Variants in MYPN observed in about 807,000 individuals in gnomAD.
The protein encoded by MYPN is myopalladin.
Under a neutral mutation model 129.4 loss-of-function variants are expected in MYPN, and 63 were observed. The ratio of observed to expected loss-of-function variants is 0.49; its 90% CI spans 0.40 to 0.60. MYPN has a LOEUF of 0.60. Among genes scored for constraint, MYPN ranks in the 20% least tolerant of loss-of-function variants. MYPN has a pLI of 0.00. For synonymous variants in MYPN, 629 were observed against 600.9 expected, an observed-to-expected ratio of 1.05 and a Z score of -0.68; for missense variants, 1,596 against 1,635.4, an observed-to-expected ratio of 0.98 and a Z score of 0.42.
rs1369595385 is a variant in MYPN, at chr10:68,121,940, C to T, written c.502C>T (p.His168Tyr). 4 of 1,614,072 alleles carry T rather than the reference C, an allele frequency of 2.5e-6. No homozygotes were observed. The highest frequency in any genetic ancestry group is 2.7e-5 in the African/African-American group (2 of 74,912). ...IEELSSLFKS[H>Y]SSKRIRPRAC... ...AGAGCTATCCTCCCTTTTCAAATCC[C>T]ACAGCTCCAAAAGGATTAGACCTCG... The change falls in exon 2 of 20, where the codon CAC becomes TAC. Residue 168 changes from histidine to tyrosine, a missense_variant. By Grantham distance (83) the His-to-Tyr change is moderately conservative (BLOSUM62 2). Transcript: ENST00000358913.
chr10:68,145,402 T>C, intron 3 of MYPN, 73 bp from the exon 4 acceptor site: 3 of 1,192,174 alleles, frequency 2.5e-6, no homozygotes, highest in Non-Finnish European at 3.7e-6. Flanking sequence ...CTTAAAAATC[T>C]TATGTCGTGT....
intron 12 of MYPN, among the ~76,000 whole-genome samples, chr10:68,182,254 CAT>C (rs1335272994): frequency 8.3e-5 from 9 of 108,112 alleles, no homozygotes; most frequent in African/African-American, 1.4e-4. Context: ...ATATAACACA[CAT>C]ATATATATAA....
At chr10:68,173,805 T>C (rs2043179954) in intron 10 of MYPN, among the ~76,000 whole-genome samples, 1 of 150,484 alleles carries the variant, frequency 6.6e-6, no homozygotes, top group East Asian at 2.0e-4. Flanking sequence ...TGCACCACCA[T>C]GTCTGGCTAA....
At chr10:68,162,185 AAAAAC>A (rs1376085365) in intron 8 of MYPN, 6 of 148,862 alleles carry the variant, frequency 4.0e-5, no homozygotes, top group Non-Finnish European at 4.4e-5. Flanking sequence ...AAAAAAAAAA[AAAAAC>A]ATCCAAATGA....
intron 2 of MYPN, among the ~76,000 whole-genome samples, chr10:68,127,509 AT>A (rs2042345185): frequency 6.7e-6 from 1 of 149,542 alleles, no homozygotes. Flanking sequence ...TAATTTTTGT[AT>A]TTTTAGTAGA....
intron 12 of MYPN, among the ~76,000 whole-genome samples, chr10:68,185,731 C>T (rs2043410098): frequency 6.6e-6 from 1 of 152,124 alleles, no homozygotes; most frequent in Non-Finnish European, 1.5e-5. Context: ...TATTGGTTTA[C>T]TTCTAAACAT....
At chr10:68,104,023 T>C (rs2041994854), upstream of MYPN, among the ~76,000 whole-genome samples, 1 of 152,200 alleles carries the variant, frequency 6.6e-6, no homozygotes, top group African/African-American at 2.4e-5. Context: ...TGGGTAACTT[T>C]GGGAAAACTA....
chr10:68,093,166 C>T (rs1188398019), intron 1 of MYPN, among the ~76,000 whole-genome samples: 1 of 152,148 alleles, frequency 6.6e-6, no homozygotes, highest in Non-Finnish European at 1.5e-5. Flanking sequence ...GCGTGAGCCA[C>T]CAGGTCCAGC....
rs1264041775 is a variant in MYPN at position 68,121,918 on chromosome 10, G to A, written c.480G>A (p.Glu160=). ...FLNKAADFIE[E]LSSLFKSHSS... Reference sequence around the variant, plus strand: ...ATAAGGCTGCCGACTTCATTGAAGAGCTATCCTCCCTTTTCAAATCCCACA... The same window carrying A: ...ATAAGGCTGCCGACTTCATTGAAGAACTATCCTCCCTTTTCAAATCCCACA... Residue 160 remains glutamate, a synonymous_variant, in exon 2 of 20, where the codon GAG becomes GAA. Coordinates refer to ENST00000358913, the MANE Select transcript of MYPN (RefSeq NM_032578.4). The A allele has an allele frequency of 6.2e-7, 1 of 1,614,050 alleles. No individual in the cohort carries two copies. Among genetic ancestry groups the A allele is most frequent in the Non-Finnish European group, 8.5e-7 (1 of 1,180,038 alleles).
chr10:68,203,741 A>AGAGAGC (rs71009022), intron 18 of MYPN, among the ~76,000 whole-genome samples: 2,114 of 150,472 alleles, frequency 0.014, 51 homozygotes, highest in African/African-American at 0.043. Context: ...AGAGAGAGAG[A>AGAGAGC]GAGAGATACA....
chr10:68,195,554 CCT>C (rs769992017), intron 15 of MYPN, 22 bp downstream of exon 15: 5 of 1,594,922 alleles, frequency 3.1e-6, no homozygotes, highest in Non-Finnish European at 4.3e-6. Context: ...AAGAATTCCC[CCT>C]CTCTAGGCCC....
At chr10:68,096,369 C>T (rs903573353) in intron 1 of MYPN, among the ~76,000 whole-genome samples, 2 of 152,150 alleles carry the variant, frequency 1.3e-5, no homozygotes, top group Non-Finnish European at 2.9e-5. Flanking sequence ...CAAGACCAGC[C>T]TGGCCAATAT....
At chr10:68,091,870 A>C (rs2133934697) in intron 1 of MYPN, among the ~76,000 whole-genome samples, 1 of 151,982 alleles carries the variant, frequency 6.6e-6, no homozygotes, top group Admixed American at 6.5e-5. Flanking sequence ...AAAAAATTAC[A>C]AGAGAAAAAT....
At position 68,174,595 on chromosome 10, in the gene MYPN, C is replaced by A. The variant is rs1196958004; in HGVS notation, c.2503C>A (p.Pro835Thr). 30 of 1,614,182 alleles carry A rather than the reference C, an allele frequency of 1.9e-5. No individual in the cohort carries two copies. Among genetic ancestry groups the A allele is most frequent in the Non-Finnish European group, 2.5e-5 (30 of 1,180,026 alleles). The change falls in exon 11 of 20, where the codon CCT becomes ACT. Residue 835 changes from proline (P) to threonine (T), a missense_variant. Physicochemically the swap from Pro to Thr is conservative, Grantham distance 38. Coordinates refer to ENST00000358913, the MANE Select transcript of MYPN (RefSeq NM_032578.4). ...NPVAFLSSVL[P>T]SLPAIPPTNA... ...AGTGGCTTTCCTCAGCTCTGTTCTG[C>A]CTTCTCTCCCTGCCATCCCACCCAC... is the stretch of plus-strand genomic sequence containing the variant.
rs1184146347 is a variant in MYPN at position 68,211,801 on chromosome 10, A to C, written c.*1346A>C. 6.6e-6 allele frequency: 3 copies of C among 454,026 alleles called. No individual in the cohort carries two copies. Among genetic ancestry groups the C allele is most frequent in the African/African-American group, 2.0e-5 (1 of 50,020 alleles). 28.1% of individuals were successfully genotyped at this position (454,026 alleles called of 1,614,324 possible). On this transcript the variant is annotated 3_prime_UTR_variant, in exon 20 of 20. Transcript: ENST00000358913. ...TCCAAACACTGCCCTGGGAATGCTC[A>C]TCACAGCACAGTTTGCTCTAGGCTG...
At chr10:68,172,423 C>T (rs1484460705) in intron 10 of MYPN, among the ~76,000 whole-genome samples, 1 of 152,182 alleles carries the variant, frequency 6.6e-6, no homozygotes, top group Non-Finnish European at 1.5e-5. Flanking sequence ...TGTGATCTCA[C>T]TTATGGGTCT....
intron 10 of MYPN, among the ~76,000 whole-genome samples, chr10:68,170,096 C>T (rs1248576086): frequency 6.6e-6 from 1 of 152,160 alleles, no homozygotes; most frequent in Non-Finnish European, 1.5e-5. Flanking sequence ...TTAGAGGTTT[C>T]AACCAAAATC....
In MYPN at chr10:68,210,408, G is replaced by A. The variant is rs759710828; in HGVS notation, c.3916G>A (p.Val1306Met). 1.2e-6 allele frequency: 2 copies of A among 1,614,202 alleles called. No homozygotes were observed. Among genetic ancestry groups the A allele is most frequent in the South Asian group, 1.1e-5 (1 of 91,088 alleles). ...CTTTTCCTCCATGGAAAGCACGATG[G>A]TGTATTCATGCTCTTCTCGGAGTGT... ...SAFSSMESTMVYSCSSRSVVE... is the reference protein window; with the variant it reads ...SAFSSMESTMMYSCSSRSVVE... The change falls in exon 20 of 20, where the codon GTG becomes ATG. Residue 1306 changes from valine (V) to methionine (M), a missense_variant. Physicochemically the swap from Val to Met is conservative, Grantham distance 21. Coordinates refer to ENST00000358913, the MANE Select transcript of MYPN (RefSeq NM_032578.4).
chr10:68,128,183 T>C (rs1403284959), intron 2 of MYPN, among the ~76,000 whole-genome samples: 1 of 152,134 alleles, frequency 6.6e-6, no homozygotes, highest in Admixed American at 6.5e-5. Flanking sequence ...TACCCAGAGA[T>C]GAAAGAGTCT....
Sources: gnomAD v4.1 joint callset for allele counts (sites outside exome capture counted in the v4.1 genomes callset) on GRCh38, gnomAD v4.1.1 for gene constraint, MANE v1.5 for transcripts, NCBI Gene and HGNC (gene_info 2026-07-23, HGNC 2026-07-21) for gene names.